Variants in ATP9B observed in about 807,000 individuals in gnomAD.
ATP9B encodes the protein ATPase phospholipid transporting 9B.
Under a neutral mutation model 146.1 loss-of-function variants are expected in ATP9B, and 110 were observed. The observed-to-expected ratio is 0.75, with a 90% confidence interval of 0.65 to 0.88. The LOEUF is 0.88. ATP9B is among the 40% of genes least tolerant of loss of function. The pLI, the probability that ATP9B is intolerant of heterozygous loss-of-function variation, is 0.00. For synonymous variants in ATP9B, 604 were observed against 569.7 expected (o/e 1.06, Z -0.86); for missense variants, 1,499 against 1,496.4 (o/e 1.00, Z -0.03).
intron 12 of ATP9B, among the ~76,000 whole-genome samples, chr18:79,267,554 TTTGTTA>T (rs1291709700): frequency 1.3e-5 from 2 of 152,154 alleles, no homozygotes; most frequent in Non-Finnish European, 2.9e-5. Context: ...ATGTAGTATT[TTTGTTA>T]TTGTTAAGTA....
At chr18:79,071,132 G>T (rs1222901527) in intron 1 of ATP9B, among the ~76,000 whole-genome samples, 3 of 146,344 alleles carry the variant, frequency 2.0e-5, no homozygotes, top group Non-Finnish European at 4.5e-5. Context: ...TTAGGTGTTG[G>T]TATAGTTTTT....
chr18:79,362,810 G>C (rs970079851), intron 26 of ATP9B: 3 of 152,192 alleles, frequency 2.0e-5, no homozygotes, highest in Non-Finnish European at 4.4e-5. Flanking sequence ...CATTTGATTT[G>C]TAGTTGTGCT....
At chr18:79,305,807 C>T (rs2096617324) in intron 14 of ATP9B, among the ~76,000 whole-genome samples, 1 of 152,214 alleles carries the variant, frequency 6.6e-6, no homozygotes. Flanking sequence ...TGATCTGATT[C>T]TCTATCGGTA....
intron 6 of ATP9B, among the ~76,000 whole-genome samples, chr18:79,148,883 A>G (rs1307223034): frequency 6.6e-6 from 1 of 152,242 alleles, no homozygotes; most frequent in African/African-American, 2.4e-5. Context: ...AAGTTATAAG[A>G]TTGATGCACA....
chr18:79,349,642 G>C (rs1007051517), intron 25 of ATP9B, among the ~76,000 whole-genome samples: 5 of 152,196 alleles, frequency 3.3e-5, no homozygotes, highest in African/African-American at 1.2e-4. Context: ...CAGTCTGTGC[G>C]TGTGTTAGGT....
chr18:79,110,620 A>T, intron 3 of ATP9B, 115 bp downstream of exon 3: 2 of 985,520 alleles, frequency 2.0e-6, no homozygotes, highest in Non-Finnish European at 2.8e-6. Context: ...GTCACATCCA[A>T]ATCAGTGTCC....
intron 15 of ATP9B, among the ~76,000 whole-genome samples, chr18:79,316,403 A>G (rs2096680296): frequency 6.6e-6 from 1 of 152,146 alleles, no homozygotes; most frequent in Non-Finnish European, 1.5e-5. Flanking sequence ...TCTGAGCCGC[A>G]CACCTGAGAA....
intron 11 of ATP9B, among the ~76,000 whole-genome samples, chr18:79,228,233 T>G (rs2095755293): frequency 6.6e-6 from 1 of 152,232 alleles, no homozygotes; most frequent in Admixed American, 6.5e-5. Context: ...ATGAGCAGAA[T>G]TTTTGCACAT....
At chr18:79,094,434 A>G (rs964984854) in intron 1 of ATP9B, among the ~76,000 whole-genome samples, 2 of 152,128 alleles carry the variant, frequency 1.3e-5, no homozygotes, top group African/African-American at 4.8e-5. Flanking sequence ...GTTGTTGTGA[A>G]GGTCCACCTG....
chr18:79,219,295 T>C (rs532218862), intron 11 of ATP9B, among the ~76,000 whole-genome samples: 5 of 151,534 alleles, frequency 3.3e-5, no homozygotes, highest in African/African-American at 1.2e-4. Context: ...GGAGAGGGAA[T>C]TCTGAGCATA....
intron 11 of ATP9B, among the ~76,000 whole-genome samples, 180 bp from the exon 12 acceptor site, chr18:79,253,201 T>G (rs1266252459): frequency 1.3e-5 from 2 of 152,234 alleles, no homozygotes; most frequent in Non-Finnish European, 2.9e-5. Context: ...CTGGAAATGC[T>G]CTGGGGATCA....
chr18:79,371,581 G>A (rs2097070844), intron 26 of ATP9B, among the ~76,000 whole-genome samples: 1 of 152,134 alleles, frequency 6.6e-6, no homozygotes, highest in African/African-American at 2.4e-5. Context: ...TCATAAATCT[G>A]CCACTGGTGG....
intron 11 of ATP9B, among the ~76,000 whole-genome samples, chr18:79,226,852 T>C (rs2095740014): frequency 1.3e-5 from 2 of 152,302 alleles, no homozygotes; most frequent in African/African-American, 2.4e-5. Flanking sequence ...GGAGTGCACA[T>C]TGACTGACAC....
chr18:79,169,980 T>A (rs1384049613), intron 7 of ATP9B, among the ~76,000 whole-genome samples: 1 of 152,226 alleles, frequency 6.6e-6, no homozygotes, highest in African/African-American at 2.4e-5. Context: ...TCCCCAATAC[T>A]TAAAGCCATA....
intron 13 of ATP9B, among the ~76,000 whole-genome samples, chr18:79,291,402 T>C (rs2096501860): frequency 6.6e-6 from 1 of 152,198 alleles, no homozygotes; most frequent in Non-Finnish European, 1.5e-5. Flanking sequence ...ATGGAGAGCA[T>C]TTGAGGTAAG....
At chr18:79,369,563 C>T (rs7239079) in intron 26 of ATP9B, among the ~76,000 whole-genome samples, 2 of 146,252 alleles carry the variant, frequency 1.4e-5, no homozygotes, top group Non-Finnish European at 3.0e-5. Context: ...AATCAGAGAA[C>T]GTATACTGAG....
chr18:79,300,253 A>T (rs1014032342), intron 13 of ATP9B, among the ~76,000 whole-genome samples: 11 of 151,958 alleles, frequency 7.2e-5, no homozygotes, highest in Admixed American at 2.0e-4. Flanking sequence ...AAAGTGAGGA[A>T]AGGTTGGTGG....
chr18:79,289,720 G>GT (rs2096482635), intron 13 of ATP9B, among the ~76,000 whole-genome samples: 2 of 152,152 alleles, frequency 1.3e-5, no homozygotes, highest in African/African-American at 2.4e-5. Context: ...TTTCTGCTCT[G>GT]TTTTTTCCCC....
intron 20 of ATP9B, chr18:79,343,694 T>A (rs1328478593): frequency 6.4e-6 from 1 of 155,198 alleles, no homozygotes; most frequent in African/African-American, 2.4e-5. Flanking sequence ...GGCGATGATG[T>A]GTGGCGATGA....
Sources: gnomAD v4.1 joint callset for allele counts (sites outside exome capture counted in the v4.1 genomes callset) on GRCh38, gnomAD v4.1.1 for gene constraint, MANE v1.5 for transcripts, NCBI Gene and HGNC (gene_info 2026-07-23, HGNC 2026-07-21) for gene names.